Variants in LPIN2 observed in about 807,000 individuals in gnomAD.
LPIN2 encodes the protein lipin 2, also known as phosphatidate phosphatase LPIN2.
A neutral mutation model predicts 111.4 loss-of-function variants in LPIN2; 55 were observed. That is an observed-to-expected ratio of 0.49 (90% CI 0.40 to 0.62). The LOEUF is 0.62. Ranked by LOEUF, LPIN2 falls within the 20% of genes least tolerant of loss-of-function variation. The probability of loss-of-function intolerance (pLI) is 0.00; values close to 1 mark genes in which losing one functional copy is unlikely to be tolerated. For synonymous variants in LPIN2, 425 were observed against 414.0 expected, an observed-to-expected ratio of 1.03 and a Z score of -0.32; for missense variants, 992 against 1,112.1, an observed-to-expected ratio of 0.89 and a Z score of 1.54.
chr18:2,937,601 A>T, intron 7 of LPIN2, 91 bp downstream of exon 7: 1 of 1,081,326 alleles, frequency 9.2e-7, no homozygotes, highest in South Asian at 1.3e-5. Flanking sequence ...GTGAATACAA[A>T]TACAGAGGCA....
chr18:2,926,081 T>C (rs1022694197), intron 13 of LPIN2, among the ~76,000 whole-genome samples: 2 of 152,150 alleles, frequency 1.3e-5, no homozygotes, highest in Non-Finnish European at 2.9e-5. Flanking sequence ...GCTATGATTA[T>C]GCCATTGCAC....
chr18:3,002,230 A>G (rs1284828952), intron 1 of LPIN2, among the ~76,000 whole-genome samples: 4 of 135,636 alleles, frequency 2.9e-5, no homozygotes, highest in Non-Finnish European at 6.3e-5. Flanking sequence ...ATGACCTTCA[A>G]AAGACCAAAA....
At chr18:2,926,985 T>C (rs1027762419) in intron 12 of LPIN2, among the ~76,000 whole-genome samples, 180 bp from the exon 13 acceptor site, 4 of 152,258 alleles carry the variant, frequency 2.6e-5, no homozygotes, top group Non-Finnish European at 5.9e-5. Flanking sequence ...ACAGAAGTCA[T>C]GTGCTTCTAT....
intron 7 of LPIN2, 115 bp from the exon 8 acceptor site, chr18:2,934,565 TAATTTTAAAG>T (rs1251852287): frequency 2.7e-6 from 2 of 734,930 alleles, no homozygotes; most frequent in Non-Finnish European, 4.8e-6. Context: ...AATAGGGTTT[TAATTTTAAAG>T]GTGTCAACCA....
At position 2,954,711 on chromosome 18, in the gene LPIN2, G is replaced by C; in HGVS notation, c.193-112C>G. On this transcript the variant is annotated intron_variant, in intron 2 of 19. Coordinates refer to ENST00000677752, the MANE Select transcript of LPIN2 (RefSeq NM_001375808.2). The stretch of plus-strand genomic sequence containing the variant: ...ACTTAGCATAGTTTTGAGGTTCCTA[G>C]AACTACAGCCTCTGAGAAACACTGC... 3 of 795,670 alleles carry C rather than the reference G, an allele frequency of 3.8e-6. No individual in the cohort carries two copies. In the South Asian group the frequency reaches 4.3e-5, roughly 11 times the overall value. 49.3% of individuals were successfully genotyped at this position (795,670 alleles called of 1,614,324 possible).
intron 9 of LPIN2, among the ~76,000 whole-genome samples, chr18:2,929,846 G>T (rs2077188616): frequency 6.6e-6 from 1 of 152,298 alleles, no homozygotes; most frequent in Admixed American, 6.5e-5. Flanking sequence ...GGAGATGGAG[G>T]TTGCAGTGAG....
chr18:2,981,792 G>A (rs1020750280), intron 1 of LPIN2, among the ~76,000 whole-genome samples: 1 of 152,118 alleles, frequency 6.6e-6, no homozygotes, highest in Non-Finnish European at 1.5e-5. Context: ...AAAGCAGAGT[G>A]TGATAACATT....
chr18:2,929,899 G>T (rs2077189067), intron 9 of LPIN2, among the ~76,000 whole-genome samples: 1 of 152,156 alleles, frequency 6.6e-6, no homozygotes, highest in Non-Finnish European at 1.5e-5. Flanking sequence ...GACAGAGCAA[G>T]GCTCTGTCTT....
chr18:2,958,540 T>C (rs2077659364), intron 2 of LPIN2, among the ~76,000 whole-genome samples: 1 of 152,180 alleles, frequency 6.6e-6, no homozygotes, highest in South Asian at 2.1e-4. Context: ...AAAGTAGGCA[T>C]GATTTCAGTT....
intron 4 of LPIN2, among the ~76,000 whole-genome samples, chr18:2,942,589 C>T (rs774268099): frequency 5.9e-5 from 9 of 152,262 alleles, no homozygotes; most frequent in South Asian, 4.1e-4. Flanking sequence ...ATTGAAAAAG[C>T]GATCAGGTAC....
chr18:2,957,572 G>C (rs1470128026), intron 2 of LPIN2, among the ~76,000 whole-genome samples: 1 of 152,182 alleles, frequency 6.6e-6, no homozygotes, highest in African/African-American at 2.4e-5. Context: ...CCCAGCTACA[G>C]AAACTGGTCC....
intron 1 of LPIN2, among the ~76,000 whole-genome samples, chr18:2,998,902 A>G (rs2078386097): frequency 6.6e-6 from 1 of 152,234 alleles, no homozygotes; most frequent in Admixed American, 6.5e-5. Flanking sequence ...CCAAGAGTGA[A>G]AATGAGACAA....
At chr18:3,011,672 G>A (rs1797158413) in intron 1 of LPIN2, 2 of 152,278 alleles carry the variant, frequency 1.3e-5, no homozygotes, top group South Asian at 4.1e-4. Context: ...GGGCGACAGA[G>A]TGAGACTCTG....
At chr18:2,928,797 A>C (rs1333313175) in intron 10 of LPIN2, 137 bp from the exon 11 acceptor site, 1 of 760,846 alleles carries the variant, frequency 1.3e-6, no homozygotes, top group Admixed American at 2.0e-5. Flanking sequence ...GATCAGCTGA[A>C]TTTTTTGTCA....
chr18:2,986,565 A>C (rs1234114571), intron 1 of LPIN2, among the ~76,000 whole-genome samples: 1 of 151,686 alleles, frequency 6.6e-6, no homozygotes, highest in African/African-American at 2.4e-5. Flanking sequence ...AAAAAAAAAG[A>C]AAGACTAACT....
intron 1 of LPIN2, among the ~76,000 whole-genome samples, chr18:2,999,970 C>T (rs1456976237): frequency 6.6e-6 from 1 of 151,518 alleles, no homozygotes; most frequent in African/African-American, 2.4e-5. Flanking sequence ...GGGAGGATCA[C>T]TTAAGGCTGG....
chr18:2,972,738 A>G (rs1447139968), intron 1 of LPIN2, among the ~76,000 whole-genome samples: 2 of 152,222 alleles, frequency 1.3e-5, no homozygotes, highest in Non-Finnish European at 2.9e-5. Context: ...TCACATGGCC[A>G]AACTTGTTTC....
At chr18:2,988,786 C>T (rs1280757978) in intron 1 of LPIN2, among the ~76,000 whole-genome samples, 1 of 152,196 alleles carries the variant, frequency 6.6e-6, no homozygotes, top group African/African-American at 2.4e-5. Flanking sequence ...AATGCTCCCT[C>T]TTCTAAGGAT....
chr18:3,007,558 G>T (rs1164505036), intron 1 of LPIN2, among the ~76,000 whole-genome samples: 1 of 152,120 alleles, frequency 6.6e-6, no homozygotes, highest in African/African-American at 2.4e-5. Flanking sequence ...TGTTTACAAA[G>T]AAAAAAATAA....
Sources: allele counts gnomAD v4.1 joint callset (sites outside exome capture counted in the v4.1 genomes callset), GRCh38; gene constraint gnomAD v4.1.1; transcripts MANE v1.5; gene names NCBI Gene and HGNC (gene_info 2026-07-23, HGNC 2026-07-21).